WDFY3: variants seen among roughly 807,000 people sequenced by gnomAD.
The protein encoded by WDFY3 is WD repeat and FYVE domain-containing protein 3.
In WDFY3, 66 loss-of-function variants were observed where a neutral mutation model predicts 409.6. The ratio of observed to expected loss-of-function variants is 0.16; its 90% CI spans 0.13 to 0.20. The LOEUF (loss-of-function observed/expected upper bound fraction) is 0.20. Among genes scored for constraint, WDFY3 ranks in the 10% least tolerant of loss-of-function variants. The pLI, the probability that WDFY3 is intolerant of heterozygous loss-of-function variation, is 1.00. For missense variants in WDFY3, 3,031 were observed against 4,298.1 expected, an observed-to-expected ratio of 0.71 and a Z score of 8.24; for synonymous variants, 1,521 against 1,537.1, an observed-to-expected ratio of 0.99 and a Z score of 0.25.
intron 61 of WDFY3, among the ~76,000 whole-genome samples, chr4:84,690,149 T>C (rs920386492): frequency 6.6e-6 from 1 of 152,132 alleles, no homozygotes; most frequent in Non-Finnish European, 1.5e-5. Context: ...TAGTGGCAGA[T>C]AAATGGAAAT....
At chr4:84,955,589 A>G (rs772195277) in intron 1 of WDFY3, among the ~76,000 whole-genome samples, 3 of 152,214 alleles carry the variant, frequency 2.0e-5, no homozygotes, top group Non-Finnish European at 4.4e-5. Flanking sequence ...TTATTGTACT[A>G]TAGTTATAAG....
At chr4:84,783,832 T>A (rs1339464471) in intron 24 of WDFY3, among the ~76,000 whole-genome samples, 5 of 151,700 alleles carry the variant, frequency 3.3e-5, no homozygotes, top group Admixed American at 3.3e-4. Flanking sequence ...GTGAAGTTTA[T>A]GTTCCTTAGA....
At chr4:84,730,748 T>C (rs541951135) in intron 44 of WDFY3, among the ~76,000 whole-genome samples, 1 of 151,932 alleles carries the variant, frequency 6.6e-6, no homozygotes, top group South Asian at 2.1e-4. Flanking sequence ...GGGCCACACA[T>C]AAAATACACT....
intron 66 of WDFY3, 62 bp from the exon 67 acceptor site, chr4:84,677,458 G>A: frequency 6.9e-7 from 1 of 1,458,640 alleles, no homozygotes; most frequent in Non-Finnish European, 9.1e-7. Flanking sequence ...CCTTCTTGAG[G>A]CTCTCTGGAT....
intron 62 of WDFY3, among the ~76,000 whole-genome samples, chr4:84,686,498 A>G (rs1450511647): frequency 1.3e-5 from 2 of 152,140 alleles, no homozygotes; most frequent in Non-Finnish European, 2.9e-5. Context: ...TGACTACAAG[A>G]TAGTTGACTA....
At chr4:84,738,948 T>C (rs1737936177) in intron 40 of WDFY3, 62 bp downstream of exon 40, 1 of 1,565,998 alleles carries the variant, frequency 6.4e-7, no homozygotes, top group Non-Finnish European at 8.8e-7. Flanking sequence ...TTGTTGGTTA[T>C]GTCTTAAAAA....
intron 2 of WDFY3, among the ~76,000 whole-genome samples, chr4:84,900,124 G>A (rs1766153711): frequency 6.6e-6 from 1 of 152,128 alleles, no homozygotes; most frequent in Admixed American, 6.6e-5. Context: ...AAAGTTTATA[G>A]TACCTCTATT....
At chr4:84,814,101 A>G (rs1578644621) in intron 13 of WDFY3, among the ~76,000 whole-genome samples, 1 of 152,336 alleles carries the variant, frequency 6.6e-6, no homozygotes, top group African/African-American at 2.4e-5. Context: ...GGTATGTAGG[A>G]AACTAGTATA....
chr4:84,770,194 A>C (rs1200273955), intron 30 of WDFY3, among the ~76,000 whole-genome samples: 1 of 151,448 alleles, frequency 6.6e-6, no homozygotes, highest in South Asian at 2.1e-4. Flanking sequence ...ACGCCTGGCT[A>C]ATTTTTTTGT....
chr4:84,738,047 G>A (rs1336778919), intron 40 of WDFY3, among the ~76,000 whole-genome samples: 5 of 152,150 alleles, frequency 3.3e-5, no homozygotes, highest in Non-Finnish European at 4.4e-5. Context: ...CGCATCTTTG[G>A]TGTTTAGGGT....
At position 84,820,999 on chromosome 4, in the gene WDFY3, T is replaced by C. The variant is rs1045533939; in HGVS notation, c.1591+85A>G. The C allele has an allele frequency of 2.3e-6, 3 of 1,283,262 alleles. No homozygotes were observed. In the African/African-American group the frequency reaches 4.5e-5, roughly 19 times the overall value. The allele number at this position is 1,283,262 out of a possible 1,614,324, so 79.5% of individuals were successfully genotyped here. ...CACATTAGGAAGTCATTGAAATCAATAACCAAAGAATGGGAACAAGAACAA... is the reference window on the plus strand; with the variant it reads ...CACATTAGGAAGTCATTGAAATCAACAACCAAAGAATGGGAACAAGAACAA... On this transcript the variant is annotated intron_variant, in intron 11 of 67. Coordinates refer to ENST00000295888, the MANE Select transcript of WDFY3 (RefSeq NM_014991.6).
At chr4:84,775,942 A>C (rs1158349074) in intron 27 of WDFY3, among the ~76,000 whole-genome samples, 1 of 152,044 alleles carries the variant, frequency 6.6e-6, no homozygotes, top group Non-Finnish European at 1.5e-5. Flanking sequence ...ATATTTCTGT[A>C]ATACAGAAAT....
intron 3 of WDFY3, among the ~76,000 whole-genome samples, chr4:84,894,763 G>A (rs1406742108): frequency 6.6e-6 from 1 of 151,580 alleles, no homozygotes; most frequent in East Asian, 1.9e-4. Flanking sequence ...TCCGGCCTGG[G>A]TGACAAAGCG....
intron 2 of WDFY3, among the ~76,000 whole-genome samples, chr4:84,910,768 C>T (rs1368867631): frequency 3.3e-5 from 5 of 152,056 alleles, no homozygotes; most frequent in South Asian, 4.1e-4. Context: ...TGCAGTGGTG[C>T]GATCTTGGCT....
chr4:84,965,789 G>GT (rs1218007980), intron 1 of WDFY3: 1 of 61,826 alleles, frequency 1.6e-5, no homozygotes, highest in Non-Finnish European at 3.3e-5. Context: ...GGATGCAGCG[G>GT]GGGGGGGCCA....
chr4:84,963,472 T>A (rs1775200084), intron 1 of WDFY3, among the ~76,000 whole-genome samples: 1 of 148,952 alleles, frequency 6.7e-6, no homozygotes. Flanking sequence ...AGAGGGGAAA[T>A]TCGTAATCAC....
At position 84,764,279 on chromosome 4, in the gene WDFY3, G is replaced by A. The variant is rs529394124; in HGVS notation, c.5188+1531C>T. Among the ~76,000 whole-genome samples the A allele has an allele frequency of 1.9e-3, 293 of 152,132 alleles. 2 individuals carry two copies. Among genetic ancestry groups the A allele is most frequent in the African/African-American group, 6.8e-3 (281 of 41,516 alleles). ...GCCTTTCGTTATTTATTCTCCAGTA[G>A]GTATTATTAAGGCCAATAAACGAAA... On this transcript the variant is annotated intron_variant, in intron 32 of 67. Coordinates refer to ENST00000295888, the MANE Select transcript of WDFY3 (RefSeq NM_014991.6).
chr4:84,733,833 G>A (rs956350066), intron 43 of WDFY3, among the ~76,000 whole-genome samples: 1 of 152,126 alleles, frequency 6.6e-6, no homozygotes, highest in African/African-American at 2.4e-5. Flanking sequence ...ACATGGATAG[G>A]GTAGAGTGTG....
chr4:84,703,737 T>A (rs1731463857), intron 55 of WDFY3, among the ~76,000 whole-genome samples: 1 of 152,152 alleles, frequency 6.6e-6, no homozygotes. Flanking sequence ...TAAAACTGCA[T>A]CCCACCTTGC....
Sources: gnomAD v4.1 joint callset for allele counts (sites outside exome capture counted in the v4.1 genomes callset) on GRCh38, gnomAD v4.1.1 for gene constraint, MANE v1.5 for transcripts, NCBI Gene and HGNC (gene_info 2026-07-23, HGNC 2026-07-21) for gene names.